The following PPARGC1A variants were observed in gnomAD, a reference collection of about 807,000 sequenced individuals.
PPARGC1A encodes the protein PPARG coactivator 1 alpha.
Under a neutral mutation model 88.7 loss-of-function variants are expected in PPARGC1A, and 25 were observed. The observed-to-expected ratio is 0.28, with a 90% CI of 0.21 to 0.39. The LOEUF (loss-of-function observed/expected upper bound fraction) is 0.39. Among genes scored for constraint, PPARGC1A ranks in the 10% least tolerant of loss-of-function variants. The pLI is 1.00. For missense variants in PPARGC1A, 880 were observed against 968.7 expected (o/e 0.91, Z 1.22); for synonymous variants, 363 against 355.6 (o/e 1.02, Z -0.24).
the PPARGC1A span, among the ~76,000 whole-genome samples, chr4:24,362,755 A>T: frequency 1.3e-5 from 2 of 152,288 alleles, no homozygotes; most frequent in Admixed American, 1.3e-4. Flanking sequence ...GTTTCTTCCC[A>T]TTTCACAAGA....
chr4:23,922,874 C>T, the PPARGC1A span, among the ~76,000 whole-genome samples: 8 of 152,184 alleles, frequency 5.3e-5, no homozygotes, highest in African/African-American at 1.9e-4. Context: ...GGTGATTTAT[C>T]ACTGACACCT....
At chr4:24,191,282 T>C in the PPARGC1A span, among the ~76,000 whole-genome samples, 1 of 152,218 alleles carries the variant, frequency 6.6e-6, no homozygotes, top group Non-Finnish European at 1.5e-5. Context: ...TACCAGGCTA[T>C]GTATTTCACA....
chr4:24,285,114 G>A, the PPARGC1A span, among the ~76,000 whole-genome samples: 1 of 152,168 alleles, frequency 6.6e-6, no homozygotes, highest in Admixed American at 6.5e-5. Context: ...CAGCCCTTTT[G>A]TTCTCATGAG....
the PPARGC1A span, among the ~76,000 whole-genome samples, chr4:24,031,074 A>C: frequency 3.6e-3 from 554 of 152,260 alleles, 1 homozygote; most frequent in Non-Finnish European, 5.9e-3. Context: ...GGATGGGCAC[A>C]GGAAACCTCA....
At chr4:24,131,362 A>G in the PPARGC1A span, among the ~76,000 whole-genome samples, 1 of 152,186 alleles carries the variant, frequency 6.6e-6, no homozygotes, top group Non-Finnish European at 1.5e-5. Flanking sequence ...TTAATCAATC[A>G]ACAAAAGATA....
chr4:24,318,084 G>A, the PPARGC1A span, among the ~76,000 whole-genome samples: 1 of 152,130 alleles, frequency 6.6e-6, no homozygotes, highest in Admixed American at 6.5e-5. Context: ...AAAAATAATG[G>A]GGCCGCTCAA....
the PPARGC1A span, among the ~76,000 whole-genome samples, chr4:24,139,780 G>A: frequency 0.36 from 55,225 of 151,880 alleles, 12,359 homozygotes; most frequent in African/African-American, 0.63. Flanking sequence ...CAGACTGCAC[G>A]CTCAGTGACT....
At chr4:24,164,962 C>T in the PPARGC1A span, among the ~76,000 whole-genome samples, 267 of 152,156 alleles carry the variant, frequency 1.8e-3, 2 homozygotes, top group African/African-American at 6.3e-3. Context: ...GGAGAGGAGC[C>T]TGCTGAGGGG....
At chr4:23,987,895 C>T in the PPARGC1A span, among the ~76,000 whole-genome samples, 1 of 151,848 alleles carries the variant, frequency 6.6e-6, no homozygotes, top group South Asian at 2.1e-4. Context: ...ACCCATCAAC[C>T]CGTCACCTAC....
At chr4:24,064,737 C>T in the PPARGC1A span, among the ~76,000 whole-genome samples, 1 of 152,140 alleles carries the variant, frequency 6.6e-6, no homozygotes, top group African/African-American at 2.4e-5. Context: ...TACCTGAAGA[C>T]ATTATCCTTT....
At chr4:24,291,144 C>A in the PPARGC1A span, among the ~76,000 whole-genome samples, 1 of 152,122 alleles carries the variant, frequency 6.6e-6, no homozygotes, top group African/African-American at 2.4e-5. Flanking sequence ...CACCCAATTG[C>A]CAAATAAGTC....
the PPARGC1A span, among the ~76,000 whole-genome samples, chr4:24,143,837 G>A: frequency 2.6e-5 from 4 of 152,310 alleles, no homozygotes; most frequent in South Asian, 2.1e-4. Flanking sequence ...TCTCAGAACC[G>A]CCACTTGGCA....
At chr4:23,988,410 A>G in the PPARGC1A span, among the ~76,000 whole-genome samples, 1 of 152,058 alleles carries the variant, frequency 6.6e-6, no homozygotes. Context: ...CAACAGTGTA[A>G]AAGTGTTCCT....
the PPARGC1A span, among the ~76,000 whole-genome samples, chr4:24,344,489 C>T: frequency 6.6e-6 from 1 of 151,904 alleles, no homozygotes; most frequent in South Asian, 2.1e-4. Context: ...TTTGCATTTC[C>T]CTGATCATTA....
the PPARGC1A span, among the ~76,000 whole-genome samples, chr4:24,150,695 A>G: frequency 6.6e-6 from 1 of 152,168 alleles, no homozygotes; most frequent in African/African-American, 2.4e-5. Context: ...ATTAGGACAC[A>G]TGTAAAATAA....
At chr4:24,019,924 A>G in the PPARGC1A span, among the ~76,000 whole-genome samples, 1 of 152,328 alleles carries the variant, frequency 6.6e-6, no homozygotes, top group South Asian at 2.1e-4. Context: ...CCATTTCTAC[A>G]GACATATATA....
the PPARGC1A span, among the ~76,000 whole-genome samples, chr4:24,305,179 G>A: frequency 4.7e-5 from 7 of 148,658 alleles, no homozygotes; most frequent in South Asian, 4.2e-4. Flanking sequence ...GTGTGTGTGT[G>A]TATATTTATA....
At chr4:24,066,157 C>T in the PPARGC1A span, among the ~76,000 whole-genome samples, 2 of 152,020 alleles carry the variant, frequency 1.3e-5, no homozygotes, top group East Asian at 3.9e-4. Context: ...CTCTAACACT[C>T]ATGACTGGCA....
At chr4:24,292,428 A>G in the PPARGC1A span, among the ~76,000 whole-genome samples, 5 of 151,876 alleles carry the variant, frequency 3.3e-5, no homozygotes, top group South Asian at 1.0e-3. Flanking sequence ...CCTTTCCTGG[A>G]GAAGCATCAG....
Sources: allele counts gnomAD v4.1 joint callset (sites outside exome capture counted in the v4.1 genomes callset), GRCh38; gene constraint gnomAD v4.1.1; transcripts MANE v1.5; gene names NCBI Gene and HGNC (gene_info 2026-07-23, HGNC 2026-07-21).